VPS13D: variants seen among roughly 807,000 people sequenced by gnomAD.
The protein encoded by VPS13D is intermembrane lipid transfer protein VPS13D.
VPS13D carries 187 observed loss-of-function variants against 461.9 expected under a neutral mutation model. The ratio of observed to expected loss-of-function variants is 0.40; its 90% confidence interval spans 0.36 to 0.46. The LOEUF (loss-of-function observed/expected upper bound fraction) is 0.46, where lower values mean the gene tolerates loss of function less well. Among genes scored for constraint, VPS13D ranks in the 20% least tolerant of loss-of-function variants. The probability of loss-of-function intolerance (pLI) is 0.60; values close to 1 mark genes in which losing one functional copy is unlikely to be tolerated. For missense variants in VPS13D, 4,711 were observed against 5,364.9 expected (o/e 0.88, Z 3.81); for synonymous variants, 1,951 against 1,986.3 (o/e 0.98, Z 0.47).
chr1:12,387,293 C>A (rs1644362321), intron 60 of VPS13D, among the ~76,000 whole-genome samples: 1 of 152,246 alleles, frequency 6.6e-6, no homozygotes. Flanking sequence ...GAATCAACCT[C>A]TTCCCAAGTA....
chr1:12,300,591 C>T (rs901991052), intron 25 of VPS13D, among the ~76,000 whole-genome samples: 13 of 152,158 alleles, frequency 8.5e-5, no homozygotes, highest in African/African-American at 2.4e-4. Flanking sequence ...GACATGATTT[C>T]ATTCTTTTTT....
chr1:12,456,710 T>C (rs569633746), intron 66 of VPS13D, among the ~76,000 whole-genome samples: 212 of 151,780 alleles, frequency 1.4e-3, no homozygotes, highest in African/African-American at 4.7e-3. Flanking sequence ...CTGATAGCCT[T>C]CCAAGCTCTC....
At chr1:12,350,973 A>C (rs1401300718) in intron 46 of VPS13D, among the ~76,000 whole-genome samples, 1 of 152,256 alleles carries the variant, frequency 6.6e-6, no homozygotes. Flanking sequence ...ACAAGTTATC[A>C]AAACTGATAC....
At chr1:12,325,479 T>C (rs1643157068) in intron 35 of VPS13D, among the ~76,000 whole-genome samples, 1 of 152,112 alleles carries the variant, frequency 6.6e-6, no homozygotes, top group South Asian at 2.1e-4. Flanking sequence ...AGGCTGGTAT[T>C]GAACTCCTGA....
At chr1:12,309,762 A>C (rs1332236232) in intron 27 of VPS13D, among the ~76,000 whole-genome samples, 4 of 103,796 alleles carry the variant, frequency 3.9e-5, no homozygotes, top group African/African-American at 2.9e-4. Flanking sequence ...ACTCAGTCTC[A>C]AAAAAAAAAA....
Position 12,342,965 on chromosome 1 carries a change from TACTC to T in VPS13D, c.8802_8805del (p.His2935MetfsTer24). The T allele has an allele frequency of 6.2e-7, 1 of 1,614,000 alleles. No individual in the cohort carries two copies. The highest frequency in any genetic ancestry group is 8.5e-7 in the Non-Finnish European group (1 of 1,179,878). On this transcript the variant is annotated frameshift_variant, in exon 42 of 70. Coordinates refer to ENST00000620676, the MANE Select transcript of VPS13D (RefSeq NM_015378.4). LOFTEE classifies it high-confidence loss of function. ...AAGGGAACGGAACATTTCTCGATGA[TACTC>T]ACAATGTTAGTGAATGGCGAGAAGT...
intron 67 of VPS13D, among the ~76,000 whole-genome samples, chr1:12,480,454 T>G (rs2100482972): frequency 6.6e-6 from 1 of 152,282 alleles, no homozygotes; most frequent in South Asian, 2.1e-4. Flanking sequence ...CAGAGATTGT[T>G]GGATTGTGTT....
intron 54 of VPS13D, among the ~76,000 whole-genome samples, chr1:12,371,341 T>A (rs1644113349): frequency 6.6e-6 from 1 of 152,056 alleles, no homozygotes; most frequent in African/African-American, 2.4e-5. Flanking sequence ...TCACTTAGCA[T>A]AATGTATCTG....
At chr1:12,386,839 T>C (rs1018215236) in intron 60 of VPS13D, among the ~76,000 whole-genome samples, 7 of 152,184 alleles carry the variant, frequency 4.6e-5, no homozygotes, top group Non-Finnish European at 8.8e-5. Context: ...AGCTGAGCCC[T>C]GTAATTGCCT....
intron 68 of VPS13D, chr1:12,500,294 A>G (rs895391694): frequency 1.9e-5 from 17 of 895,298 alleles, no homozygotes; most frequent in Non-Finnish European, 2.3e-5. Flanking sequence ...AAGTTGCACA[A>G]TTGTCATTGC....
intron 13 of VPS13D, among the ~76,000 whole-genome samples, chr1:12,264,084 A>G (rs957553757): frequency 2.4e-4 from 37 of 152,160 alleles, no homozygotes; most frequent in African/African-American, 8.7e-4. Flanking sequence ...GTAATCACCA[A>G]TTTGTAATGT....
chr1:12,357,097 A>G (rs1197509506), intron 49 of VPS13D, among the ~76,000 whole-genome samples: 1 of 152,230 alleles, frequency 6.6e-6, no homozygotes, highest in Non-Finnish European at 1.5e-5. Context: ...GCATTAATTC[A>G]CTTTTGTTCT....
intron 60 of VPS13D, among the ~76,000 whole-genome samples, chr1:12,390,658 A>G (rs1459363410): frequency 6.6e-6 from 1 of 152,184 alleles, no homozygotes; most frequent in Non-Finnish European, 1.5e-5. Context: ...CAATATAATC[A>G]ACCTGCCACC....
chr1:12,242,701 G>A (rs943558413), intron 3 of VPS13D, 111 bp downstream of exon 3: 8 of 882,074 alleles, frequency 9.1e-6, no homozygotes, highest in East Asian at 2.6e-5. Flanking sequence ...GAAGGATATA[G>A]CAAATGTTAG....
intron 20 of VPS13D, among the ~76,000 whole-genome samples, chr1:12,281,063 AT>A (rs201362588): frequency 0.011 from 1,520 of 138,416 alleles, 10 homozygotes; most frequent in East Asian, 0.065. Flanking sequence ...TGTTTTATCT[AT>A]TTTTTTTTTT....
rs202179277 is a variant in VPS13D, at chr1:12,340,185, AT to A, written c.8627-1584del. Among the ~76,000 whole-genome samples, 1,368 of 148,988 alleles carry A rather than the reference AT, an allele frequency of 9.2e-3. 16 individuals carry two copies. Among genetic ancestry groups the A allele is most frequent in the African/African-American group, 0.031 (1,283 of 40,760 alleles). On this transcript the variant is annotated intron_variant, in intron 40 of 69. Coordinates refer to ENST00000620676, the MANE Select transcript of VPS13D (RefSeq NM_015378.4). ...TTAATTTTCTACTTGATGAGCACTA[AT>A]TTTTTTTTTTAAAGCAAACTTTGGG...
intron 57 of VPS13D, among the ~76,000 whole-genome samples, chr1:12,381,633 C>T (rs992926816): frequency 1.3e-5 from 2 of 152,236 alleles, no homozygotes; most frequent in Non-Finnish European, 2.9e-5. Flanking sequence ...CCAGTCACAG[C>T]AGCCATACTT....
chr1:12,360,877 C>A (rs1353354634), intron 50 of VPS13D, among the ~76,000 whole-genome samples: 1 of 152,128 alleles, frequency 6.6e-6, no homozygotes, highest in African/African-American at 2.4e-5. Flanking sequence ...TCTATGACAG[C>A]CGGTTGTCAA....
intron 45 of VPS13D, 83 bp downstream of exon 45, chr1:12,349,056 C>G: frequency 6.2e-7 from 1 of 1,608,726 alleles, no homozygotes; most frequent in Non-Finnish European, 8.5e-7. Context: ...CCAGTGGTAT[C>G]TTCCCCAGCA....
Sources: allele counts gnomAD v4.1 joint callset (sites outside exome capture counted in the v4.1 genomes callset), GRCh38; gene constraint gnomAD v4.1.1; transcripts MANE v1.5; gene names NCBI Gene and HGNC (gene_info 2026-07-23, HGNC 2026-07-21).